OPCML: variants seen among roughly 807,000 people sequenced by gnomAD.
OPCML encodes opioid binding protein/cell adhesion molecule like.
OPCML carries 13 observed loss-of-function variants against 37.8 expected under a neutral mutation model. That is an observed-to-expected ratio of 0.34 (90% CI 0.22 to 0.55). OPCML has a LOEUF of 0.55. OPCML is among the 20% of genes least tolerant of loss of function. The pLI is 0.91. For missense variants in OPCML, 341 were observed against 435.6 expected, an observed-to-expected ratio of 0.78 and a Z score of 1.93; for synonymous variants, 176 against 168.8, an observed-to-expected ratio of 1.04 and a Z score of -0.33.
chr11:132,518,062 A>T (rs541746730), intron 4 of OPCML, among the ~76,000 whole-genome samples: 8 of 152,204 alleles, frequency 5.3e-5, no homozygotes, highest in South Asian at 4.1e-4. Context: ...AAACTTTTTT[A>T]AAAAATTATT....
chr11:133,092,844 CAGAGAAAG>C (rs1948930029), intron 1 of OPCML, among the ~76,000 whole-genome samples: 1 of 148,950 alleles, frequency 6.7e-6, no homozygotes. Flanking sequence ...AGGAGAGAGA[CAGAGAAAG>C]AGAGAGAGAG....
At chr11:133,524,412 C>T (rs1948450851) in intron 1 of OPCML, among the ~76,000 whole-genome samples, 3 of 152,222 alleles carry the variant, frequency 2.0e-5, no homozygotes, top group Non-Finnish European at 4.4e-5. Flanking sequence ...TTTTGTATCT[C>T]TAACCCAACA....
intron 1 of OPCML, among the ~76,000 whole-genome samples, chr11:132,980,640 C>G (rs1946561211): frequency 6.6e-6 from 1 of 152,104 alleles, no homozygotes; most frequent in Admixed American, 6.5e-5. Flanking sequence ...AAAATTGACA[C>G]TAAAAACAAG....
At position 133,138,638 on chromosome 11, in the gene OPCML, C is replaced by G. The variant is rs537444397; in HGVS notation, c.62-195628G>C. Among the ~76,000 whole-genome samples the G allele has an allele frequency of 2.6e-5, 4 of 152,230 alleles. No individual in the cohort carries two copies. The South Asian group carries it at 8.3e-4, about 32-fold the overall frequency. On this transcript the variant is annotated intron_variant, in intron 1 of 7. Coordinates refer to ENST00000524381, the MANE Select transcript of OPCML (RefSeq NM_001012393.5). ...CATTCCCATTATCCTCTTGGACTAC[C>G]AAATCCCATTTATGCCTAAAAGGAA...
intron 1 of OPCML, chr11:133,007,588 A>G: frequency 1.0e-6 from 1 of 985,476 alleles, no homozygotes; most frequent in Non-Finnish European, 1.2e-6. Flanking sequence ...TTAAAACTCT[A>G]GAATTGCTTG....
At chr11:132,440,471 G>A (rs2096028859) in intron 4 of OPCML, among the ~76,000 whole-genome samples, 1 of 152,114 alleles carries the variant, frequency 6.6e-6, no homozygotes, top group South Asian at 2.1e-4. Context: ...AAGCTGTGAT[G>A]CACTGTGCCG....
intron 1 of OPCML, among the ~76,000 whole-genome samples, chr11:133,170,872 C>T (rs890615722): frequency 1.3e-5 from 2 of 152,160 alleles, no homozygotes; most frequent in East Asian, 1.9e-4. Context: ...GCACAATTAG[C>T]CAGCTCCTCA....
At chr11:133,050,485 A>T (rs552172541) in intron 1 of OPCML, among the ~76,000 whole-genome samples, 1 of 152,266 alleles carries the variant, frequency 6.6e-6, no homozygotes, top group African/African-American at 2.4e-5. Flanking sequence ...CATCTGGCAC[A>T]TTACATGCTG....
At chr11:133,266,866 G>C (rs768546177) in intron 1 of OPCML, among the ~76,000 whole-genome samples, 1 of 152,158 alleles carries the variant, frequency 6.6e-6, no homozygotes, top group Non-Finnish European at 1.5e-5. Context: ...GTGCTGGAGA[G>C]CTTCCCCAGC....
At position 133,160,485 on chromosome 11, in the gene OPCML, G is replaced by T. The variant is rs142876776; in HGVS notation, c.62-217475C>A. On this transcript the variant is annotated intron_variant, in intron 1 of 7. Transcript: ENST00000524381. ...GGAAACTGACCTGCTTGCTACATTT[G>T]CCCTGAGCCTTCCTTGGAGCTAAGC... Among the ~76,000 whole-genome samples, 546 of 152,298 alleles carry T rather than the reference G, an allele frequency of 3.6e-3. 1 individual carries two copies. Among genetic ancestry groups the T allele is most frequent in the Non-Finnish European group, 5.5e-3 (376 of 68,012 alleles).
intron 3 of OPCML, among the ~76,000 whole-genome samples, chr11:132,579,035 T>C (rs1244943719): frequency 1.3e-5 from 2 of 152,188 alleles, no homozygotes; most frequent in Admixed American, 6.5e-5. Flanking sequence ...TCTAAAAGGA[T>C]AGAAACAACT....
At chr11:132,697,979 T>C (rs1943659708) in intron 2 of OPCML, among the ~76,000 whole-genome samples, 2 of 2,702 alleles carry the variant, frequency 7.4e-4, no homozygotes, top group African/African-American at 2.8e-3. Flanking sequence ...TTATTTTCTA[T>C]TTATTTATTT....
intron 1 of OPCML, among the ~76,000 whole-genome samples, chr11:133,092,315 C>G (rs963417850): frequency 6.6e-6 from 1 of 152,094 alleles, no homozygotes; most frequent in African/African-American, 2.4e-5. Flanking sequence ...GCAGCACAGA[C>G]CAAGGCAACT....
At chr11:132,897,100 C>T (rs1023678516) in intron 2 of OPCML, among the ~76,000 whole-genome samples, 1 of 152,188 alleles carries the variant, frequency 6.6e-6, no homozygotes, top group Non-Finnish European at 1.5e-5. Flanking sequence ...GCAAGCTGCT[C>T]TTCCTCTTGG....
chr11:133,335,358 G>A (rs1240083845), intron 1 of OPCML, among the ~76,000 whole-genome samples: 1 of 152,128 alleles, frequency 6.6e-6, no homozygotes, highest in African/African-American at 2.4e-5. Flanking sequence ...ACACATGTCA[G>A]CACTTCGTAC....
rs1484869202 is a variant in OPCML, at chr11:133,211,413, CT to C, written c.62-268404del. ...ACTGGGAACAATAAGGCTTCAGAGCCTTGCACCTGTCAGGGATGGGTTTCCT... is the reference window on the plus strand; with the variant it reads ...ACTGGGAACAATAAGGCTTCAGAGCCTGCACCTGTCAGGGATGGGTTTCCT... On this transcript the variant is annotated intron_variant, in intron 1 of 7. Coordinates refer to ENST00000524381, the MANE Select transcript of OPCML (RefSeq NM_001012393.5). The surrounding 1 kb of genome is among the most constrained non-coding windows in gnomAD (Gnocchi z 4.1). 1.3e-5 allele frequency among the ~76,000 whole-genome samples: 2 copies of C among 152,320 alleles called. No homozygotes were observed. Among genetic ancestry groups the C allele is most frequent in the East Asian group, 3.9e-4 (2 of 5,180 alleles).
chr11:132,830,172 T>C lies in OPCML; in HGVS notation c.146+112754A>G, dbSNP rs180972100. On this transcript the variant is annotated intron_variant, in intron 2 of 7. Coordinates refer to ENST00000524381, the MANE Select transcript of OPCML (RefSeq NM_001012393.5). ...TGTACTGCTCCTTTATATTCATCAATTTAGCCTATATCATGTTTTTTAATC... is the reference window on the plus strand; with the variant it reads ...TGTACTGCTCCTTTATATTCATCAACTTAGCCTATATCATGTTTTTTAATC... 2.8e-3 allele frequency among the ~76,000 whole-genome samples: 430 copies of C among 152,312 alleles called. 3 individuals are homozygous for C. The highest frequency in any genetic ancestry group is 9.9e-3 in the African/African-American group (410 of 41,574).
chr11:133,099,529 C>T (rs1278892857), intron 1 of OPCML, among the ~76,000 whole-genome samples: 1 of 143,740 alleles, frequency 7.0e-6, no homozygotes, highest in African/African-American at 2.6e-5. Flanking sequence ...CCTTGTGATT[C>T]ACCCACCTTG....
intron 2 of OPCML, among the ~76,000 whole-genome samples, chr11:132,719,272 C>A (rs1269072040): frequency 6.6e-6 from 1 of 152,198 alleles, no homozygotes; most frequent in Non-Finnish European, 1.5e-5. Context: ...GTGGCGAAGG[C>A]ACATCCTGTG....
Sources: gnomAD v4.1 joint callset for allele counts (sites outside exome capture counted in the v4.1 genomes callset) on GRCh38, gnomAD v4.1.1 for gene constraint, Gnocchi (gnomAD v3.1) non-coding constraint, MANE v1.5 for transcripts, NCBI Gene and HGNC (gene_info 2026-07-23, HGNC 2026-07-21) for gene names.